ZNF708: variants seen among roughly 807,000 people sequenced by gnomAD.
ZNF708 encodes the protein zinc finger protein 708.
In ZNF708, 44 loss-of-function variants were observed where a neutral mutation model predicts 47.0. The ratio of observed to expected loss-of-function variants is 0.94; its 90% CI spans 0.74 to 1.20. The LOEUF (loss-of-function observed/expected upper bound fraction) is 1.20. ZNF708 is among the 50% of genes most tolerant of loss of function. The pLI, the probability that ZNF708 is intolerant of heterozygous loss-of-function variation, is 0.00. For missense variants in ZNF708, 557 were observed against 656.0 expected (o/e 0.85, Z 1.65); for synonymous variants, 184 against 218.5 (o/e 0.84, Z 1.39).
intron 1 of ZNF708, among the ~76,000 whole-genome samples, chr19:21,317,117 CAA>C (rs34652323): frequency 1.4e-5 from 2 of 144,120 alleles, no homozygotes; most frequent in Admixed American, 6.9e-5. Context: ...ACTACAAATA[CAA>C]AAAAAAAAAA....
At chr19:21,297,446 C>A (rs1035254561) in intron 3 of ZNF708, among the ~76,000 whole-genome samples, 1 of 136,732 alleles carries the variant, frequency 7.3e-6, no homozygotes, top group Admixed American at 7.4e-5. Context: ...TTATGTAATT[C>A]CCAAGGTACC....
intron 3 of ZNF708, among the ~76,000 whole-genome samples, chr19:21,301,587 G>A (rs974986981): frequency 2.0e-5 from 3 of 151,510 alleles, no homozygotes; most frequent in African/African-American, 4.9e-5. Context: ...CTGCATTCTA[G>A]CCTGGGCGAC....
intron 3 of ZNF708, among the ~76,000 whole-genome samples, chr19:21,302,458 G>A (rs996641002): frequency 1.3e-5 from 2 of 152,108 alleles, no homozygotes; most frequent in African/African-American, 4.8e-5. Flanking sequence ...AGTACTTTGA[G>A]AGGCTGAGGC....
chr19:21,316,060 A>C (rs1249085191), intron 1 of ZNF708, among the ~76,000 whole-genome samples: 1 of 145,120 alleles, frequency 6.9e-6, no homozygotes, highest in African/African-American at 2.5e-5. Flanking sequence ...CAAGAGTGAA[A>C]CCTGTCTCAA....
Position 21,294,053 on chromosome 19 carries a change from C to A in ZNF708, c.913G>T (p.Glu305Ter). Residue 305 changes from glutamate (E) to a stop codon, truncating the protein, a stop_gained, in exon 4 of 4, where the codon GAG becomes TAG. Transcript: ENST00000356929. LOFTEE classifies it high-confidence loss of function. Reference sequence around the variant, plus strand: ...CATTCTCCACATTTGTAGGGTTTCTCTCCAGTATGAATTTTCTTGTGATTA... The same window carrying A: ...CATTCTCCACATTTGTAGGGTTTCTATCCAGTATGAATTTTCTTGTGATTA... Reference protein sequence around the residue: ...LTNHKKIHTGEKPYKCGECGK... With the variant: ...LTNHKKIHTG 1 of 1,613,508 alleles carries A rather than the reference C, an allele frequency of 6.2e-7. No homozygotes were observed.
intron 3 of ZNF708, among the ~76,000 whole-genome samples, chr19:21,299,896 AAT>A (rs1972619570): frequency 6.6e-6 from 1 of 152,174 alleles, no homozygotes; most frequent in African/African-American, 2.4e-5. Context: ...ATCCAAAAAT[AAT>A]AGAGATTCAC....
At chr19:21,328,405 CAGAA>C in intron 1 of ZNF708, among the ~76,000 whole-genome samples, 1 of 152,136 alleles carries the variant, frequency 6.6e-6, no homozygotes. Flanking sequence ...TTGGAAATGT[CAGAA>C]GGAACTAGAA....
At chr19:21,311,747 C>T (rs116034469) in intron 1 of ZNF708, among the ~76,000 whole-genome samples, 186 of 152,172 alleles carry the variant, frequency 1.2e-3, no homozygotes, top group African/African-American at 4.2e-3. Context: ...GGGAAAAACA[C>T]GCTGCACCAT....
intron 1 of ZNF708, among the ~76,000 whole-genome samples, chr19:21,323,981 T>A (rs1334514631): frequency 1.3e-5 from 2 of 152,180 alleles, no homozygotes; most frequent in African/African-American, 4.8e-5. Context: ...GGCTCACGCC[T>A]GTAATCCCAA....
chr19:21,320,407 C>T (rs957079823), intron 1 of ZNF708, among the ~76,000 whole-genome samples: 9 of 152,076 alleles, frequency 5.9e-5, no homozygotes, highest in African/African-American at 4.8e-5. Context: ...ATGGTATGGT[C>T]GGACAAGGTG....
chr19:21,314,825 C>T (rs1049892212), intron 1 of ZNF708, among the ~76,000 whole-genome samples: 5 of 152,038 alleles, frequency 3.3e-5, no homozygotes, highest in Admixed American at 2.0e-4. Flanking sequence ...CAGAATTAAC[C>T]ACTCTTGTCA....
intron 3 of ZNF708, among the ~76,000 whole-genome samples, chr19:21,300,374 T>C (rs1017275238): frequency 4.0e-5 from 6 of 151,526 alleles, no homozygotes; most frequent in African/African-American, 1.5e-4. Context: ...GGCATGGTGG[T>C]ACATGCCTGT....
Position 21,294,242 on chromosome 19 carries a change from G to A in ZNF708, c.724C>T (p.His242Tyr), listed in dbSNP as rs767717617. The A allele has an allele frequency of 6.2e-7, 1 of 1,612,802 alleles. No homozygotes were observed. The highest frequency in any genetic ancestry group is 1.1e-5 in the South Asian group (1 of 91,064). ...TTCTCTCCAGTATGAATTATCTTAT[G>A]TCTAGTAAGAGTTGAGGACTGGTTA... ...AFNQSSTLTR[H>Y]KIIHTGEKLY... The change falls in exon 4 of 4, where the codon CAT becomes TAT. Residue 242 changes from histidine to tyrosine, a missense_variant. By Grantham distance (83) the His-to-Tyr change is moderately conservative. Transcript: ENST00000356929.
At chr19:21,325,235 C>T (rs191619276) in intron 1 of ZNF708, among the ~76,000 whole-genome samples, 27 of 152,086 alleles carry the variant, frequency 1.8e-4, no homozygotes, top group Admixed American at 1.7e-3. Flanking sequence ...TCATGTGGAA[C>T]AAAAAAGAGC....
chr19:21,294,576 C>G lies in ZNF708; in HGVS notation c.390G>C (p.Arg130=), dbSNP rs780740020. 4.3e-6 allele frequency: 7 copies of G among 1,614,056 alleles called. No homozygotes were observed. Among genetic ancestry groups the G allele is most frequent in the Non-Finnish European group, 5.1e-6 (6 of 1,179,956 alleles). Residue 130 remains arginine (R), a synonymous_variant, in exon 4 of 4, where the codon CGG becomes CGC. Coordinates refer to ENST00000356929, the MANE Select transcript of ZNF708 (RefSeq NM_021269.3). ...LHKGGHKGLN[R]CVTTTQSKIV... is the part of the protein sequence containing the mutation. Reference sequence around the variant, plus strand: ...TTTTGCTCTGGGTAGTTGTCACACACCGGTTAAGTCCCTTGTGACCTCCTT... The same window carrying G: ...TTTTGCTCTGGGTAGTTGTCACACAGCGGTTAAGTCCCTTGTGACCTCCTT...
At chr19:21,327,735 A>C (rs1421765295) in intron 1 of ZNF708, among the ~76,000 whole-genome samples, 2 of 151,114 alleles carry the variant, frequency 1.3e-5, no homozygotes, top group Admixed American at 1.3e-4. Context: ...TTTTTTTTCC[A>C]CAAAATTTAG....
intron 1 of ZNF708, among the ~76,000 whole-genome samples, chr19:21,312,082 G>C (rs1267688034): frequency 1.3e-5 from 2 of 152,098 alleles, no homozygotes; most frequent in Non-Finnish European, 2.9e-5. Flanking sequence ...ATCTTCTGAG[G>C]TCAGAAGTTC....
chr19:21,293,119 A>G lies in ZNF708; in HGVS notation c.*155T>C, dbSNP rs1230951926. 2 of 1,008,668 alleles carry G rather than the reference A, an allele frequency of 2.0e-6. No homozygotes were observed. Among genetic ancestry groups the G allele is most frequent in the Non-Finnish European group, 1.5e-6 (1 of 670,882 alleles). The allele number at this position is 1,008,668 out of a possible 1,614,324, so 62.5% of individuals were successfully genotyped here. A position where few individuals can be genotyped will look rare whatever the true frequency, so the allele number is the denominator to read the frequency against. The stretch of plus-strand genomic sequence containing the variant: ...GCTTTGCCACATTCTTTACATTTGT[A>G]GGGTTTCTCTCTAGTATGAATTATC... On this transcript the variant is annotated 3_prime_UTR_variant, in exon 4 of 4. Coordinates refer to ENST00000356929, the MANE Select transcript of ZNF708 (RefSeq NM_021269.3).
intron 3 of ZNF708, chr19:21,307,013 A>C (rs544053233): frequency 7.4e-6 from 1 of 134,288 alleles, no homozygotes; most frequent in Non-Finnish European, 1.6e-5. Flanking sequence ...CATAACATAA[A>C]ACATAACATA....
Sources: allele counts gnomAD v4.1 joint callset (sites outside exome capture counted in the v4.1 genomes callset), GRCh38; gene constraint gnomAD v4.1.1; transcripts MANE v1.5; gene names NCBI Gene and HGNC (gene_info 2026-07-23, HGNC 2026-07-21).